Variants in SSBP3 observed in about 807,000 individuals in gnomAD.
SSBP3 encodes the protein single-stranded DNA-binding protein 3.
In SSBP3, 5 loss-of-function variants were observed where a neutral mutation model predicts 69.6. The ratio of observed to expected loss-of-function variants is 0.07; its 90% CI spans 0.04 to 0.15. The LOEUF is 0.15. Among genes scored for constraint, SSBP3 ranks in the 10% least tolerant of loss-of-function variants. The pLI is 1.00. For synonymous variants in SSBP3, 196 were observed against 193.4 expected (o/e 1.01, Z -0.11); for missense variants, 312 against 534.0 (o/e 0.58, Z 4.10).
chr1:54,334,031 G>C (rs897851977), intron 4 of SSBP3, among the ~76,000 whole-genome samples: 1 of 152,174 alleles, frequency 6.6e-6, no homozygotes, highest in Non-Finnish European at 1.5e-5. Context: ...ACTCCAGCTT[G>C]GGAGACAGAG....
At chr1:54,358,824 G>GT (rs1218899190) in intron 4 of SSBP3, among the ~76,000 whole-genome samples, 1 of 152,208 alleles carries the variant, frequency 6.6e-6, no homozygotes, top group Non-Finnish European at 1.5e-5. Context: ...TAACATTTAG[G>GT]TAAGGTTGGG....
intron 4 of SSBP3, among the ~76,000 whole-genome samples, chr1:54,383,581 T>C (rs984907695): frequency 2.4e-4 from 37 of 152,260 alleles, no homozygotes; most frequent in African/African-American, 8.2e-4. Context: ...TCTTAGATAA[T>C]GCAAAGGTCA....
At chr1:54,340,800 C>G (rs926142037) in intron 4 of SSBP3, among the ~76,000 whole-genome samples, 2 of 152,200 alleles carry the variant, frequency 1.3e-5, no homozygotes, top group Non-Finnish European at 2.9e-5. Flanking sequence ...CCATACCAGC[C>G]CAGAGGGCTG....
At chr1:54,368,276 G>A (rs1387692249) in intron 4 of SSBP3, among the ~76,000 whole-genome samples, 3 of 136,444 alleles carry the variant, frequency 2.2e-5, no homozygotes, top group Non-Finnish European at 4.6e-5. Context: ...CCAGCAGAAC[G>A]AGACTCCATC....
At chr1:54,259,299 A>T (rs1004248472) in intron 5 of SSBP3, among the ~76,000 whole-genome samples, 3 of 152,206 alleles carry the variant, frequency 2.0e-5, no homozygotes, top group Non-Finnish European at 4.4e-5. Context: ...ATAAAAAAAA[A>T]AGTCAGAGAG....
At chr1:54,316,573 G>A (rs1401078295) in intron 4 of SSBP3, among the ~76,000 whole-genome samples, 36 of 146,264 alleles carry the variant, frequency 2.5e-4, no homozygotes, top group African/African-American at 6.9e-4. Context: ...CCCGGGAAGC[G>A]GAGCTTGCAG....
intron 4 of SSBP3, among the ~76,000 whole-genome samples, chr1:54,359,179 T>C (rs1646914045): frequency 7.8e-6 from 1 of 128,074 alleles, no homozygotes; most frequent in African/African-American, 3.0e-5. Flanking sequence ...AACAGAGACA[T>C]ATATGAGTTG....
At chr1:54,296,109 TCTTC>T (rs1338521092) in intron 4 of SSBP3, among the ~76,000 whole-genome samples, 4 of 152,264 alleles carry the variant, frequency 2.6e-5, no homozygotes, top group African/African-American at 7.2e-5. Context: ...ATTTCTCCCT[TCTTC>T]CTTATTTGTC....
chr1:54,366,631 G>A lies in SSBP3; in HGVS notation c.276+35230C>T, dbSNP rs946944332. Among the ~76,000 whole-genome samples the A allele has an allele frequency of 1.3e-5, 2 of 152,170 alleles. 1 individual carries two copies. Among genetic ancestry groups the A allele is most frequent in the Non-Finnish European group, 2.9e-5 (2 of 68,042 alleles). On this transcript the variant is annotated intron_variant, in intron 4 of 17. Coordinates refer to ENST00000610401, the Ensembl canonical transcript of SSBP3. ...CTCCAACTAGTTATACCTGGTACCA[G>A]GATGCACAGGAGGACAGTGAAGGGC...
Position 54,241,395 on chromosome 1 carries a change from A to G in SSBP3, c.801+79T>C, listed in dbSNP as rs1644635480. 8 of 1,482,946 alleles carry G rather than the reference A, an allele frequency of 5.4e-6. No individual in the cohort carries two copies. In the South Asian group the frequency reaches 9.1e-5, roughly 17 times the overall value. 91.9% of individuals were successfully genotyped at this position (1,482,946 alleles called of 1,614,324 possible). A position where few individuals can be genotyped will look rare whatever the true frequency, so the allele number is the denominator to read the frequency against. On this transcript the variant is annotated intron_variant, in intron 12 of 17. Transcript: ENST00000610401. ...AGAAGAATGTGTGAAAGGGAAAGAA[A>G]CGGGGACCCCAGACCAGTTCTCTTG...
rs576205345 is a variant in SSBP3, at chr1:54,376,195, T to C, written c.276+25666A>G. ...ACTCGTGTGCGTGCATGCGTGGGTGTGTGTGTGTGTGTGTTTGTCTCACAC... is the reference window on the plus strand; with the variant it reads ...ACTCGTGTGCGTGCATGCGTGGGTGCGTGTGTGTGTGTGTTTGTCTCACAC... On this transcript the variant is annotated intron_variant, in intron 4 of 17. Transcript: ENST00000610401. Among the ~76,000 whole-genome samples the C allele has an allele frequency of 1.1e-4, 16 of 151,826 alleles. No individual in the cohort carries two copies. In the South Asian group the frequency reaches 1.5e-3, roughly 14 times the overall value.
intron 4 of SSBP3, among the ~76,000 whole-genome samples, chr1:54,286,182 T>G (rs1169254320): frequency 6.6e-6 from 1 of 152,108 alleles, no homozygotes; most frequent in Non-Finnish European, 1.5e-5. Flanking sequence ...TGACATTGGG[T>G]TCTAACCGCC....
chr1:54,235,889 A>C (rs926351338), intron 14 of SSBP3, among the ~76,000 whole-genome samples: 2 of 152,212 alleles, frequency 1.3e-5, no homozygotes, highest in African/African-American at 4.8e-5. Context: ...GTTTTAATGA[A>C]GAAATTGATA....
At chr1:54,245,295 C>G (rs1018135070) in intron 9 of SSBP3, among the ~76,000 whole-genome samples, 1 of 152,008 alleles carries the variant, frequency 6.6e-6, no homozygotes, top group East Asian at 1.9e-4. Flanking sequence ...GAAAAGGAGA[C>G]TGAAGGTCTG....
intron 4 of SSBP3, among the ~76,000 whole-genome samples, chr1:54,385,095 G>A (rs1647976475): frequency 6.6e-6 from 1 of 152,178 alleles, no homozygotes; most frequent in African/African-American, 2.4e-5. Flanking sequence ...AAGTCATCCT[G>A]AGCGCAGATC....
intron 4 of SSBP3, among the ~76,000 whole-genome samples, chr1:54,355,685 A>G (rs867286781): frequency 7.9e-5 from 12 of 152,280 alleles, no homozygotes; most frequent in East Asian, 1.9e-4. Context: ...CTGCCTCCCA[A>G]ATTTAAGGAG....
In SSBP3 at chr1:54,315,608, A is replaced by G. The variant is rs200778586; in HGVS notation, c.277-34081T>C. Among the ~76,000 whole-genome samples the G allele has an allele frequency of 2.5e-4, 38 of 152,128 alleles. No individual in the cohort carries two copies. The East Asian group carries it at 6.6e-3, about 26-fold the overall frequency. ...ACAACTTTTTTTTAATTTAAAAAAA[A>G]AAAAAAAAGGTCTTGCTCTATCGCC... is the stretch of plus-strand genomic sequence containing the variant. On this transcript the variant is annotated intron_variant, in intron 4 of 17. Coordinates refer to ENST00000610401, the Ensembl canonical transcript of SSBP3.
chr1:54,364,534 A>C (rs1334678673), intron 4 of SSBP3, among the ~76,000 whole-genome samples: 1 of 152,232 alleles, frequency 6.6e-6, no homozygotes. Flanking sequence ...ACAAAACACC[A>C]GCAGCAGGGG....
intron 14 of SSBP3, chr1:54,238,382 G>A: frequency 2.1e-6 from 1 of 467,080 alleles, no homozygotes; most frequent in South Asian, 1.6e-5. Flanking sequence ...TCCTGGAGGG[G>A]CAAGGCTGAA....
Sources: allele counts gnomAD v4.1 joint callset (sites outside exome capture counted in the v4.1 genomes callset), GRCh38; gene constraint gnomAD v4.1.1; transcripts MANE v1.5; gene names NCBI Gene and HGNC (gene_info 2026-07-23, HGNC 2026-07-21).